Variants in MRPL1 observed in about 807,000 individuals in gnomAD.
MRPL1 encodes large ribosomal subunit protein uL1m.
MRPL1 carries 28 observed loss-of-function variants against 38.0 expected under a neutral mutation model. That is an observed-to-expected ratio of 0.74 (90% confidence interval 0.55 to 1.01). The LOEUF (loss-of-function observed/expected upper bound fraction) is 1.01. MRPL1 is among the 50% of genes least tolerant of loss of function. The probability of loss-of-function intolerance (pLI) is 0.00; values close to 1 mark genes in which losing one functional copy is unlikely to be tolerated. For missense variants in MRPL1, 358 were observed against 389.8 expected (o/e 0.92, Z 0.69); for synonymous variants, 123 against 126.7 (o/e 0.97, Z 0.20).
At chr4:77,909,942 TAAAGTTATTTATACTAAAG>T (rs1736246634) in intron 7 of MRPL1, among the ~76,000 whole-genome samples, 1 of 152,204 alleles carries the variant, frequency 6.6e-6, no homozygotes, top group Non-Finnish European at 1.5e-5. Flanking sequence ...TTACAAACAT[TAAAGTTATTTATACTAAAG>T]AATCTCTAAA....
At chr4:77,886,158 T>G (rs1191573575) in intron 4 of MRPL1, among the ~76,000 whole-genome samples, 2 of 152,186 alleles carry the variant, frequency 1.3e-5, no homozygotes, top group African/African-American at 4.8e-5. Context: ...ATGCATTTAA[T>G]TGAAAATTCA....
rs1461855276 is a variant in MRPL1, at chr4:77,894,168, T to C, written c.588T>C (p.Phe196=). The change falls in exon 6 of 9, where the codon TTT becomes TTC. Residue 196 remains phenylalanine (F), a synonymous_variant. Coordinates refer to ENST00000315567, the MANE Select transcript of MRPL1 (RefSeq NM_020236.4). ...GGGATGATGAAATTGTTGCAGACTT[T>C]TACGTAGCTGTTCCAGAAATAATGC... ...KIWDDEIVAD[F]YVAVPEIMPE... 1 of 1,607,340 alleles carries C rather than the reference T, an allele frequency of 6.2e-7. No individual in the cohort carries two copies. The highest frequency in any genetic ancestry group is 8.5e-7 in the Non-Finnish European group (1 of 1,177,004).
chr4:77,919,038 C>A (rs576215105), intron 7 of MRPL1, among the ~76,000 whole-genome samples: 72 of 152,258 alleles, frequency 4.7e-4, no homozygotes, highest in Non-Finnish European at 9.0e-4. Flanking sequence ...AATTAACTGT[C>A]TTGTCCTCTA....
intron 7 of MRPL1, among the ~76,000 whole-genome samples, chr4:77,941,157 T>A (rs1304803431): frequency 6.6e-6 from 1 of 151,918 alleles, no homozygotes; most frequent in East Asian, 1.9e-4. Context: ...CCCAGCTACT[T>A]GGGAGGTTGA....
At chr4:77,951,767 A>AG (rs1737416204) in intron 8 of MRPL1, among the ~76,000 whole-genome samples, 1 of 152,072 alleles carries the variant, frequency 6.6e-6, no homozygotes. Flanking sequence ...GTGGCATGTT[A>AG]GGTTAATTGG....
chr4:77,934,120 C>G (rs1159615086), intron 7 of MRPL1, among the ~76,000 whole-genome samples: 1 of 152,152 alleles, frequency 6.6e-6, no homozygotes. Flanking sequence ...TGTACTGTAA[C>G]TTAAGTGAAA....
chr4:77,883,353 T>A lies in MRPL1; in HGVS notation c.255T>A (p.Asp85Glu). Residue 85 changes from aspartate to glutamate, a missense_variant, in exon 3 of 9, where the codon GAT (aspartate) becomes GAA (glutamate). Physicochemically the swap from Asp to Glu is conservative, Grantham distance 45. Transcript: ENST00000315567. ...ATATGGAAGGCGAACCTGAGGATGA[T>A]GTCTATTTAAAACGCTTATACCCGA... Reference protein sequence around the residue: ...YPYMEGEPEDDVYLKRLYPRQ... With the variant: ...YPYMEGEPEDEVYLKRLYPRQ... 4.3e-6 allele frequency: 7 copies of A among 1,613,904 alleles called. No homozygotes were observed. Among genetic ancestry groups the A allele is most frequent in the Non-Finnish European group, 5.9e-6 (7 of 1,179,924 alleles).
chr4:77,888,462 G>T (rs548713438), intron 5 of MRPL1, among the ~76,000 whole-genome samples: 1 of 151,930 alleles, frequency 6.6e-6, no homozygotes, highest in Non-Finnish European at 1.5e-5. Context: ...CCGAGATTGC[G>T]CCTACACTCC....
intron 2 of MRPL1, among the ~76,000 whole-genome samples, chr4:77,876,075 C>T (rs369957974): frequency 1.6e-4 from 25 of 152,118 alleles, no homozygotes; most frequent in Non-Finnish European, 3.1e-4. Context: ...CAGGTTCAGG[C>T]GATTCTCTTG....
chr4:77,864,158 C>T (rs1239923258), intron 1 of MRPL1, among the ~76,000 whole-genome samples: 3 of 152,070 alleles, frequency 2.0e-5, no homozygotes, highest in Non-Finnish European at 2.9e-5. Context: ...TTGAAGGCAT[C>T]TTCATGTATG....
Position 77,876,118 on chromosome 4 carries a change from G to A in MRPL1, c.143+4263G>A, listed in dbSNP as rs112673191. Reference sequence around the variant, plus strand: ...CTCCCAAGTAGCTAGGATTACAGGCGTGCACCACCACACCTTGCTAATTTT... The same window carrying A: ...CTCCCAAGTAGCTAGGATTACAGGCATGCACCACCACACCTTGCTAATTTT... On this transcript the variant is annotated intron_variant, in intron 2 of 8. Transcript: ENST00000315567. Among the ~76,000 whole-genome samples the A allele has an allele frequency of 6.6e-5, 10 of 152,068 alleles. No homozygotes were observed. In the East Asian group the frequency reaches 1.4e-3, roughly 21 times the overall value.
At chr4:77,898,815 T>G (rs555698365) in intron 6 of MRPL1, among the ~76,000 whole-genome samples, 197 of 107,644 alleles carry the variant, frequency 1.8e-3, no homozygotes, top group African/African-American at 6.4e-3. Flanking sequence ...CAATTTATAG[T>G]TTTTTTTTTA....
At chr4:77,952,404 A>T in intron 8 of MRPL1, 85 bp from the exon 9 acceptor site, 1 of 913,848 alleles carries the variant, frequency 1.1e-6, no homozygotes, top group Non-Finnish European at 1.8e-6. Context: ...ACCTAGTGAC[A>T]ATATTAAGTG....
At chr4:77,872,751 C>T (rs1488841412) in intron 2 of MRPL1, among the ~76,000 whole-genome samples, 29 of 152,088 alleles carry the variant, frequency 1.9e-4, no homozygotes. Context: ...TAATCCCAGC[C>T]ACTCGGGAGG....
At chr4:77,940,189 C>T (rs1010691438) in intron 7 of MRPL1, among the ~76,000 whole-genome samples, 1 of 152,048 alleles carries the variant, frequency 6.6e-6, no homozygotes, top group Admixed American at 6.5e-5. Context: ...GGATATGTTT[C>T]CATTTGTGGG....
At chr4:77,901,156 C>T (rs947628424) in intron 6 of MRPL1, among the ~76,000 whole-genome samples, 1 of 152,028 alleles carries the variant, frequency 6.6e-6, no homozygotes, top group Non-Finnish European at 1.5e-5. Flanking sequence ...GCTGGCGCAA[C>T]TTTATTTTGT....
At chr4:77,895,171 T>C (rs766870128) in intron 6 of MRPL1, among the ~76,000 whole-genome samples, 1 of 152,170 alleles carries the variant, frequency 6.6e-6, no homozygotes, top group African/African-American at 2.4e-5. Flanking sequence ...ACATAATCTG[T>C]TCTTTAGAGC....
intron 1 of MRPL1, among the ~76,000 whole-genome samples, chr4:77,865,187 G>A (rs2110225557): frequency 6.6e-6 from 1 of 152,216 alleles, no homozygotes; most frequent in East Asian, 1.9e-4. Context: ...ACCATGCCCA[G>A]CCGATTATTG....
intron 5 of MRPL1, among the ~76,000 whole-genome samples, chr4:77,888,927 C>T (rs906965266): frequency 1.3e-5 from 2 of 152,076 alleles, no homozygotes; most frequent in Non-Finnish European, 2.9e-5. Flanking sequence ...ACAAGAAGAG[C>T]TAACTATCCT....
Sources: allele counts gnomAD v4.1 joint callset (sites outside exome capture counted in the v4.1 genomes callset), GRCh38; gene constraint gnomAD v4.1.1; transcripts MANE v1.5; gene names NCBI Gene and HGNC (gene_info 2026-07-23, HGNC 2026-07-21).